Variants in USP3 observed in about 807,000 individuals in gnomAD.
The protein encoded by USP3 is ubiquitin carboxyl-terminal hydrolase 3.
Under a neutral mutation model 72.3 loss-of-function variants are expected in USP3, and 20 were observed. That is an observed-to-expected ratio of 0.28 (90% CI 0.19 to 0.40). The LOEUF is 0.40. Among genes scored for constraint, USP3 ranks in the 10% least tolerant of loss-of-function variants. The pLI, the probability that USP3 is intolerant of heterozygous loss-of-function variation, is 1.00. For missense variants in USP3, 479 were observed against 633.9 expected (o/e 0.76, Z 2.62); for synonymous variants, 222 against 225.3 (o/e 0.99, Z 0.13).
At position 63,570,720 on chromosome 15, in the gene USP3, C is replaced by G. The variant is rs1036431414; in HGVS notation, c.908+141C>G. The G allele has an allele frequency of 6.1e-5, 74 of 1,205,482 alleles. No individual in the cohort carries two copies. Among genetic ancestry groups the G allele is most frequent in the Middle Eastern group, 2.7e-4 (1 of 3,762 alleles). 74.7% of individuals were successfully genotyped at this position (1,205,482 alleles called of 1,614,324 possible). A position where few individuals can be genotyped will look rare whatever the true frequency, so the allele number is the denominator to read the frequency against. Reference sequence around the variant, plus strand: ...TTTTCGTGCCCTTGAACTTTGTGACCCAGTGAACTAGCACATACCTCTTGC... The same window carrying G: ...TTTTCGTGCCCTTGAACTTTGTGACGCAGTGAACTAGCACATACCTCTTGC... On this transcript the variant is annotated intron_variant, in intron 9 of 14. Transcript: ENST00000380324. The surrounding 1 kb of genome is among the most constrained non-coding windows in gnomAD (Gnocchi z 4.4).
At chr15:63,511,455 C>A (rs534631199) in intron 1 of USP3, among the ~76,000 whole-genome samples, 27 of 152,198 alleles carry the variant, frequency 1.8e-4, no homozygotes, top group African/African-American at 6.0e-4. Flanking sequence ...TTACCCCCCT[C>A]ACCCAATTTA....
intron 11 of USP3, among the ~76,000 whole-genome samples, chr15:63,582,111 A>C (rs1289654552): frequency 6.6e-6 from 1 of 152,224 alleles, no homozygotes; most frequent in African/African-American, 2.4e-5. Flanking sequence ...TGTAGTTCAG[A>C]AATTTTATGT....
At chr15:63,578,667 T>C (rs986716933) in intron 11 of USP3, among the ~76,000 whole-genome samples, 2 of 151,468 alleles carry the variant, frequency 1.3e-5, no homozygotes, top group African/African-American at 4.9e-5. Flanking sequence ...ATGACAATTA[T>C]TCATTAAAAG....
chr15:63,588,855 C>T lies in USP3; in HGVS notation c.1329+40C>T, dbSNP rs367715752. 53 of 1,610,806 alleles carry T rather than the reference C, an allele frequency of 3.3e-5. No homozygotes were observed. In the African/African-American group the frequency reaches 6.5e-4, roughly 20 times the overall value. On this transcript the variant is annotated intron_variant, in intron 13 of 14. Transcript: ENST00000380324. The surrounding 1 kb of genome is among the most constrained non-coding windows in gnomAD (Gnocchi z 4.6). ...TTTTTAGCATGGTGAAAAAATGGCT[C>T]TTCAGTAAGATTGTCATCACATGGA...
intron 11 of USP3, chr15:63,586,532 G>C (rs2067067035): frequency 6.6e-6 from 1 of 152,204 alleles, no homozygotes; most frequent in South Asian, 2.1e-4. Flanking sequence ...AAGCACCATA[G>C]TGATCAGTCT....
chr15:63,538,588 C>T (rs2066195190), intron 3 of USP3, among the ~76,000 whole-genome samples: 3 of 151,056 alleles, frequency 2.0e-5, no homozygotes, highest in Non-Finnish European at 4.4e-5. Context: ...GCTCTGTCGC[C>T]CAGGCTGGAG....
At chr15:63,537,420 A>G (rs78169493) in intron 3 of USP3, among the ~76,000 whole-genome samples, 1,568 of 152,090 alleles carry the variant, frequency 0.01, 33 homozygotes, top group African/African-American at 0.036. Flanking sequence ...AAATAGATCT[A>G]TTTCTTTGTT....
chr15:63,543,572 G>C (rs1436388859), intron 3 of USP3, among the ~76,000 whole-genome samples: 1 of 152,100 alleles, frequency 6.6e-6, no homozygotes, highest in Non-Finnish European at 1.5e-5. Flanking sequence ...TCCTCATTCT[G>C]TTTACTTTGA....
At chr15:63,545,623 C>T (rs1338297838) in intron 3 of USP3, among the ~76,000 whole-genome samples, 1 of 151,662 alleles carries the variant, frequency 6.6e-6, no homozygotes, top group African/African-American at 2.4e-5. Context: ...GTAAATACTG[C>T]TTTCTTTCTA....
At chr15:63,557,673 A>G (rs572199534) in intron 5 of USP3, among the ~76,000 whole-genome samples, 1 of 152,330 alleles carries the variant, frequency 6.6e-6, no homozygotes, top group South Asian at 2.1e-4. Flanking sequence ...GAAAACGTGT[A>G]TTGGTCGTTT....
rs75077137 is a variant in USP3, at chr15:63,567,878, G to A, written c.762-2555G>A. 5.8e-4 allele frequency among the ~76,000 whole-genome samples: 88 copies of A among 152,322 alleles called. No homozygotes were observed. In the East Asian group the frequency reaches 8.5e-3, roughly 15 times the overall value. On this transcript the variant is annotated intron_variant, in intron 8 of 14. Transcript: ENST00000380324. The stretch of plus-strand genomic sequence containing the variant: ...AACCTTGTGAAGAGACAGTTGCCGC[G>A]TGTTCCTGTACACTGTGCTTCAGCA...
At chr15:63,582,412 C>G (rs938261536) in intron 11 of USP3, among the ~76,000 whole-genome samples, 3 of 152,160 alleles carry the variant, frequency 2.0e-5, no homozygotes. Context: ...AGGATGTCCC[C>G]ACCTCTTGGC....
chr15:63,530,650 A>C, intron 1 of USP3: 2 of 414,792 alleles, frequency 4.8e-6, no homozygotes, highest in South Asian at 3.4e-5. Flanking sequence ...AAAAAGCTTT[A>C]CTGGAGAAAC....
In USP3 at chr15:63,590,766, G is replaced by A. The variant is rs200782618; in HGVS notation, c.1503G>A (p.Ala501=). Residue 501 remains alanine, a synonymous_variant, in exon 15 of 15, where the codon GCG becomes GCA. Coordinates refer to ENST00000380324, the MANE Select transcript of USP3 (RefSeq NM_006537.4). The stretch of plus-strand genomic sequence containing the variant: ...CTGACGAGGAGACTGTGGTGAAGGC[G>A]AAGGCCTACATCCTTTTCTACGTGG... ...TLTDEETVVK[A]KAYILFYVEH... is the part of the protein sequence containing the mutation. 2.4e-5 allele frequency: 38 copies of A among 1,614,100 alleles called. No homozygotes were observed. The highest frequency in any genetic ancestry group is 1.8e-4 in the East Asian group (8 of 44,882).
Position 63,588,085 on chromosome 15 carries a change from A to T in USP3, c.1097-220A>T. ...ACACAATTGATCATCACCAGATGTC[A>T]GGCATGATGCCAGGTGCTCTACACA... On this transcript the variant is annotated intron_variant, in intron 11 of 14. Coordinates refer to ENST00000380324, the MANE Select transcript of USP3 (RefSeq NM_006537.4). This position sits in a 1 kb window ranked among gnomAD's most constrained non-coding sequence, Gnocchi z 4.6. The T allele has an allele frequency of 2.5e-6, 1 of 394,960 alleles. No individual in the cohort carries two copies. The highest frequency in any genetic ancestry group is 4.5e-6 in the Non-Finnish European group (1 of 221,652). 24.5% of individuals were successfully genotyped at this position (394,960 alleles called of 1,614,324 possible).
At chr15:63,565,174 G>T (rs1228635116) in intron 8 of USP3, among the ~76,000 whole-genome samples, 2 of 152,128 alleles carry the variant, frequency 1.3e-5, no homozygotes, top group African/African-American at 2.4e-5. Context: ...GCGTGTAGAA[G>T]TAGAAACATC....
At position 63,553,793 on chromosome 15, in the gene USP3, G is replaced by A; in HGVS notation, c.363G>A (p.Leu121=). ...VQKVREHLQN[L]ENSAFTADRH... Reference sequence around the variant, plus strand: ...AAGTCAGAGAACACTTACAGAACTTGGAAAAGTAAGTAATAGGCCTTTGGA... The same window carrying A: ...AAGTCAGAGAACACTTACAGAACTTAGAAAAGTAAGTAATAGGCCTTTGGA... Residue 121 remains leucine, a synonymous_variant, in exon 4 of 15, where the codon TTG becomes TTA. Coordinates refer to ENST00000380324, the MANE Select transcript of USP3 (RefSeq NM_006537.4). This position sits in a 1 kb window ranked among gnomAD's most constrained non-coding sequence, Gnocchi z 4.2. 1 of 1,612,226 alleles carries A rather than the reference G, an allele frequency of 6.2e-7. No individual in the cohort carries two copies. Among genetic ancestry groups the A allele is most frequent in the Non-Finnish European group, 8.5e-7 (1 of 1,179,050 alleles).
At chr15:63,505,105 G>T (rs1409045796) in intron 1 of USP3, among the ~76,000 whole-genome samples, 1 of 151,328 alleles carries the variant, frequency 6.6e-6, no homozygotes, top group African/African-American at 2.4e-5. Context: ...GGCAGCGGCA[G>T]GCGGGGACCC....
At position 63,553,901 on chromosome 15, in the gene USP3, GT is replaced by G; in HGVS notation, c.368+106del. 2.5e-6 allele frequency: 2 copies of G among 815,172 alleles called. No homozygotes were observed. The highest frequency in any genetic ancestry group is 3.7e-6 in the Non-Finnish European group (2 of 535,788). 50.5% of individuals were successfully genotyped at this position (815,172 alleles called of 1,614,324 possible). A position where few individuals can be genotyped will look rare whatever the true frequency, so the allele number is the denominator to read the frequency against. The stretch of plus-strand genomic sequence containing the variant: ...TTGTTGATGAGTTTAATAACTTCAT[GT>G]TTATAATATGATTGAAATGTTAATA... On this transcript the variant is annotated intron_variant, in intron 4 of 14. Coordinates refer to ENST00000380324, the MANE Select transcript of USP3 (RefSeq NM_006537.4). This position sits in a 1 kb window ranked among gnomAD's most constrained non-coding sequence, Gnocchi z 4.2.
Sources: allele counts gnomAD v4.1 joint callset (sites outside exome capture counted in the v4.1 genomes callset), GRCh38; gene constraint gnomAD v4.1.1; non-coding constraint Gnocchi (gnomAD v3.1); transcripts MANE v1.5; gene names NCBI Gene and HGNC (gene_info 2026-07-23, HGNC 2026-07-21).